DOCK2: variants seen among roughly 807,000 people sequenced by gnomAD.
DOCK2 encodes the protein dedicator of cytokinesis protein 2.
DOCK2 carries 87 observed loss-of-function variants against 248.9 expected under a neutral mutation model. The ratio of observed to expected loss-of-function variants is 0.35; its 90% confidence interval spans 0.29 to 0.42. DOCK2 has a LOEUF of 0.42. DOCK2 is among the 10% of genes least tolerant of loss of function. The pLI, the probability that DOCK2 is intolerant of heterozygous loss-of-function variation, is 1.00. For synonymous variants in DOCK2, 805 were observed against 821.6 expected (o/e 0.98, Z 0.35); for missense variants, 1,747 against 2,300.2 (o/e 0.76, Z 4.92).
chr5:169,695,814 C>G lies in DOCK2; in HGVS notation c.855C>G (p.Asn285Lys), dbSNP rs1193231358. 1 of 1,613,144 alleles carries G rather than the reference C, an allele frequency of 6.2e-7. No individual in the cohort carries two copies. Among genetic ancestry groups the G allele is most frequent in the Non-Finnish European group, 8.5e-7 (1 of 1,179,814 alleles). ...TTCTTTCCCCCCAGGATCTTGGAAA[C>G]AAAGACCTCAACAGGGATAAAATTT... ...NLKVVFTDLG[N>K]KDLNRDKIYL... is the part of the protein sequence containing the mutation. Residue 285 changes from asparagine to lysine, a missense_variant, in exon 10 of 52, where the codon AAC (asparagine) becomes AAG (lysine). Asn to Lys is a moderately conservative substitution (Grantham distance 94). Coordinates refer to ENST00000520908, the MANE Select transcript of DOCK2 (RefSeq NM_004946.3).
rs67124138 is a variant in DOCK2, at chr5:169,853,804, CTTTTTTTTTTTTTTTTTTTTTTTTTTT to C, written c.2799+12971_2799+12997del. Among the ~76,000 whole-genome samples the C allele has an allele frequency of 1.8e-4, 10 of 56,856 alleles. No individual in the cohort carries two copies. The South Asian group carries it at 3.2e-3, about 18-fold the overall frequency. The allele number at this position is 56,856 out of a possible 152,430, so 37.3% of individuals were successfully genotyped here. A position where few individuals can be genotyped will look rare whatever the true frequency, so the allele number is the denominator to read the frequency against. ...TTCCTTCTATAATCAGGAAAAACAA[CTTTTTTTTTTTTTTTTTTTTTTTTTTT>C]TTTTTTTTTTTTTTTTTTGTGGTAG... On this transcript the variant is annotated intron_variant, in intron 27 of 51. Transcript: ENST00000520908.
intron 26 of DOCK2, among the ~76,000 whole-genome samples, chr5:169,806,732 CA>C (rs1443455089): frequency 2.6e-5 from 4 of 152,068 alleles, no homozygotes; most frequent in African/African-American, 9.7e-5. Context: ...TACTAACAAA[CA>C]AATCGGCAGT....
chr5:169,889,297 T>C (rs58710061), intron 27 of DOCK2, among the ~76,000 whole-genome samples: 5,303 of 152,306 alleles, frequency 0.035, 184 homozygotes, highest in African/African-American at 0.089. Flanking sequence ...CATGTCTGTT[T>C]TCTAGTCTAC....
intron 27 of DOCK2, among the ~76,000 whole-genome samples, chr5:169,880,087 A>G (rs926247099): frequency 1.3e-4 from 20 of 152,370 alleles, no homozygotes; most frequent in South Asian, 2.1e-4. Flanking sequence ...AAGAAGCAGC[A>G]AAAAGAGAGC....
rs2306562 is a variant in DOCK2, at chr5:169,699,345, A to G, written c.1056-37A>G. ...GGACCCCTTGAAACGCAAGGAGGAC[A>G]CGATGTGGACATTTCATGCTCTCTT... On this transcript the variant is annotated intron_variant, in intron 11 of 51. Coordinates refer to ENST00000520908, the MANE Select transcript of DOCK2 (RefSeq NM_004946.3). The G allele has an allele frequency of 0.19, 299,390 of 1,599,326 alleles. 29,813 individuals are homozygous for G. Among genetic ancestry groups the G allele is most frequent in the Non-Finnish European group, 0.2 (239,344 of 1,170,524 alleles).
At chr5:169,827,417 C>T (rs891258794) in intron 26 of DOCK2, among the ~76,000 whole-genome samples, 2 of 152,122 alleles carry the variant, frequency 1.3e-5, no homozygotes, top group South Asian at 2.1e-4. Context: ...TTAATGTGCT[C>T]CCAGGAATAC....
chr5:169,913,302 C>T (rs1295980310), intron 27 of DOCK2, among the ~76,000 whole-genome samples: 6 of 152,194 alleles, frequency 3.9e-5, no homozygotes, highest in African/African-American at 1.4e-4. Flanking sequence ...AGTTGTTTCA[C>T]TTCAATTCCA....
intron 27 of DOCK2, among the ~76,000 whole-genome samples, chr5:169,970,046 C>T (rs1164051987): frequency 6.6e-6 from 1 of 152,238 alleles, no homozygotes; most frequent in East Asian, 1.9e-4. Context: ...TCTCTGGCTA[C>T]AGTGATGTAA....
chr5:170,056,644 G>A (rs964148249), intron 42 of DOCK2, 40 bp from the exon 43 acceptor site: 4 of 1,582,750 alleles, frequency 2.5e-6, no homozygotes, highest in South Asian at 1.1e-5. Flanking sequence ...CAGCAGCCGG[G>A]GATGGCTACC....
At chr5:169,695,645 G>A (rs965664265) in intron 9 of DOCK2, among the ~76,000 whole-genome samples, 158 bp from the exon 10 acceptor site, 2 of 151,712 alleles carry the variant, frequency 1.3e-5, no homozygotes, top group African/African-American at 4.9e-5. Flanking sequence ...GGATGTGAGA[G>A]CCTTGTTTCT....
At chr5:169,719,934 A>G (rs1184674194) in intron 22 of DOCK2, among the ~76,000 whole-genome samples, 1 of 152,058 alleles carries the variant, frequency 6.6e-6, no homozygotes, top group Non-Finnish European at 1.5e-5. Context: ...AAAAAAAAAA[A>G]GACCATCATT....
chr5:169,808,972 A>G (rs1767574393), intron 26 of DOCK2, among the ~76,000 whole-genome samples: 2 of 150,332 alleles, frequency 1.3e-5, no homozygotes, highest in Non-Finnish European at 3.0e-5. Context: ...ACTCTCAGTC[A>G]TGAATGGTTT....
At chr5:169,805,132 AT>A (rs1767276199) in intron 26 of DOCK2, among the ~76,000 whole-genome samples, 1 of 149,170 alleles carries the variant, frequency 6.7e-6, no homozygotes, top group African/African-American at 2.5e-5. Context: ...TGATCCCAGC[AT>A]TTTGGGTAGC....
intron 3 of DOCK2, among the ~76,000 whole-genome samples, chr5:169,670,264 G>T (rs1280215613): frequency 2.0e-5 from 3 of 152,116 alleles, no homozygotes; most frequent in Admixed American, 2.0e-4. Context: ...GGCCATAATG[G>T]GTTGGAGCAT....
intron 22 of DOCK2, 42 bp from the exon 23 acceptor site, chr5:169,747,354 G>A (rs755334633): frequency 9.0e-6 from 14 of 1,560,954 alleles, no homozygotes; most frequent in South Asian, 1.2e-5. Context: ...TAAAAGTATT[G>A]TCTGTTAGCT....
chr5:169,930,168 T>A (rs966420511), intron 27 of DOCK2, among the ~76,000 whole-genome samples: 1 of 152,002 alleles, frequency 6.6e-6, no homozygotes, highest in Non-Finnish European at 1.5e-5. Context: ...TTTTTTGCAT[T>A]TTAGTAGAGA....
At chr5:169,792,128 G>T (rs917824483) in intron 25 of DOCK2, among the ~76,000 whole-genome samples, 3 of 152,174 alleles carry the variant, frequency 2.0e-5, no homozygotes, top group Non-Finnish European at 4.4e-5. Context: ...GAGACAGTGG[G>T]TCAGGGATGA....
rs1167149113 is a variant in DOCK2, at chr5:169,714,229, A to G, written c.1843+18A>G. 6.2e-7 allele frequency: 1 copy of G among 1,601,460 alleles called. No individual in the cohort carries two copies. Among genetic ancestry groups the G allele is most frequent in the Non-Finnish European group, 8.5e-7 (1 of 1,171,468 alleles). ...TCAGAATGGTAATCGGGTCATCAAG[A>G]GTTGTGTCTGTGGGGAGTGTGTGTG... On this transcript the variant is annotated intron_variant, in intron 18 of 51. Transcript: ENST00000520908.
chr5:169,830,948 T>G (rs1028615858), intron 26 of DOCK2, among the ~76,000 whole-genome samples: 4 of 152,210 alleles, frequency 2.6e-5, no homozygotes, highest in Admixed American at 2.6e-4. Context: ...CAGGGCTTCC[T>G]GGGTGTACAT....
Sources: gnomAD v4.1 joint callset for allele counts (sites outside exome capture counted in the v4.1 genomes callset) on GRCh38, gnomAD v4.1.1 for gene constraint, MANE v1.5 for transcripts, NCBI Gene and HGNC (gene_info 2026-07-23, HGNC 2026-07-21) for gene names.